PCNX1: variants seen among roughly 807,000 people sequenced by gnomAD.
The protein encoded by PCNX1 is pecanex-like protein 1.
PCNX1 carries 78 observed loss-of-function variants against 242.2 expected under a neutral mutation model. The ratio of observed to expected loss-of-function variants is 0.32; its 90% CI spans 0.27 to 0.39. PCNX1 has a LOEUF of 0.39. PCNX1 is among the 10% of genes least tolerant of loss of function. The pLI is 1.00. For synonymous variants in PCNX1, 1,024 were observed against 1,032.9 expected (o/e 0.99, Z 0.17); for missense variants, 2,581 against 2,856.5 (o/e 0.90, Z 2.20).
chr14:70,991,686 A>G lies in PCNX1; in HGVS notation c.2444+2987A>G, dbSNP rs145143323. Reference sequence around the variant, plus strand: ...ATTTATCTGTGGGGAATTAGGGAGAAACACCAATTTATTCATCTTCTGTAA... The same window carrying G: ...ATTTATCTGTGGGGAATTAGGGAGAGACACCAATTTATTCATCTTCTGTAA... On this transcript the variant is annotated intron_variant, in intron 7 of 35. Transcript: ENST00000304743. Among the ~76,000 whole-genome samples the G allele has an allele frequency of 8.9e-3, 1,360 of 152,316 alleles. 9 individuals are homozygous for G. The highest frequency in any genetic ancestry group is 0.017 in the South Asian group (82 of 4,824).
intron 1 of PCNX1, among the ~76,000 whole-genome samples, chr14:70,913,332 T>G (rs1389733941): frequency 6.6e-6 from 1 of 152,202 alleles, no homozygotes; most frequent in Non-Finnish European, 1.5e-5. Context: ...ATGGTGGAGC[T>G]GCTTACTTAG....
At chr14:71,080,400 T>A (rs1046405196) in intron 28 of PCNX1, among the ~76,000 whole-genome samples, 1 of 152,226 alleles carries the variant, frequency 6.6e-6, no homozygotes, top group Non-Finnish European at 1.5e-5. Flanking sequence ...TTTTTTCTAA[T>A]TCTTAGAAGC....
chr14:71,087,625 G>A (rs2062026125), intron 28 of PCNX1, among the ~76,000 whole-genome samples: 1 of 152,116 alleles, frequency 6.6e-6, no homozygotes, highest in South Asian at 2.1e-4. Context: ...TTTCTAACAA[G>A]TTTCCAGGTG....
At chr14:70,922,738 G>A (rs1417654066) in intron 1 of PCNX1, among the ~76,000 whole-genome samples, 1 of 151,530 alleles carries the variant, frequency 6.6e-6, no homozygotes, top group Non-Finnish European at 1.5e-5. Flanking sequence ...TTCCCTAGTG[G>A]GGGACATTTA....
chr14:70,927,569 C>T (rs2056637844), intron 1 of PCNX1, among the ~76,000 whole-genome samples: 1 of 151,394 alleles, frequency 6.6e-6, no homozygotes, highest in Non-Finnish European at 1.5e-5. Context: ...TTCATTCTCT[C>T]TCTTTTATTT....
At position 71,057,505 on chromosome 14, in the gene PCNX1, A is replaced by G. The variant is rs1212184293; in HGVS notation, c.4637-4A>G. 4 of 1,590,850 alleles carry G rather than the reference A, an allele frequency of 2.5e-6. No homozygotes were observed. The African/African-American group carries it at 4.0e-5, about 16-fold the overall frequency. The stretch of plus-strand genomic sequence containing the variant: ...TTAACTTTTTTTAAAATCTCTTTTT[A>G]TAGGATCAGATGACAACAATCTGAA... On this transcript the variant is annotated splice_polypyrimidine_tract_variant and splice_region_variant and intron_variant, in intron 25 of 35. Transcript: ENST00000304743.
At chr14:71,105,545 G>A in intron 33 of PCNX1, 105 bp downstream of exon 33, 2 of 858,270 alleles carry the variant, frequency 2.3e-6, no homozygotes, top group Non-Finnish European at 3.6e-6. Context: ...TGGAAATTCA[G>A]AAATAGAATT....
At chr14:71,050,858 G>C in intron 23 of PCNX1, 98 bp downstream of exon 23, 1 of 1,112,392 alleles carries the variant, frequency 9.0e-7, no homozygotes, top group South Asian at 1.5e-5. Flanking sequence ...AGTTTACTGT[G>C]TAATGAATTA....
chr14:71,050,565 A>T, intron 22 of PCNX1, 87 bp from the exon 23 acceptor site: 5 of 1,257,314 alleles, frequency 4.0e-6, no homozygotes, highest in Non-Finnish European at 5.4e-6. Flanking sequence ...ACTTCTCCTA[A>T]TACATTTTAC....
chr14:71,104,737 G>A (rs1389657256), intron 32 of PCNX1, among the ~76,000 whole-genome samples: 2 of 152,126 alleles, frequency 1.3e-5, no homozygotes, highest in East Asian at 3.9e-4. Context: ...AGACCATCCT[G>A]GCTAACATGA....
chr14:70,908,221 C>T (rs1422350018), intron 1 of PCNX1, among the ~76,000 whole-genome samples: 1 of 152,162 alleles, frequency 6.6e-6, no homozygotes, highest in African/African-American at 2.4e-5. Flanking sequence ...GCAACCCGCG[C>T]CGGCCGCCCC....
At chr14:70,979,522 T>A (rs1566652958) in intron 6 of PCNX1, among the ~76,000 whole-genome samples, 1 of 152,068 alleles carries the variant, frequency 6.6e-6, no homozygotes, top group Non-Finnish European at 1.5e-5. Context: ...ATCAGAAAAA[T>A]CAGGTCTTTT....
At chr14:71,058,557 G>T (rs1158544939) in intron 26 of PCNX1, among the ~76,000 whole-genome samples, 2 of 152,114 alleles carry the variant, frequency 1.3e-5, no homozygotes, top group Non-Finnish European at 2.9e-5. Context: ...AAGTGCTTTG[G>T]AGTAGTTTTA....
chr14:70,951,023 A>G (rs2057756097), intron 2 of PCNX1, among the ~76,000 whole-genome samples: 1 of 152,080 alleles, frequency 6.6e-6, no homozygotes, highest in African/African-American at 2.4e-5. Flanking sequence ...TATACAATAA[A>G]TTAAGATCTT....
intron 33 of PCNX1, among the ~76,000 whole-genome samples, chr14:71,105,776 C>A (rs990790880): frequency 6.6e-6 from 1 of 151,680 alleles, no homozygotes; most frequent in African/African-American, 2.4e-5. Context: ...CTCCTGACCT[C>A]ATGATCTGCC....
intron 28 of PCNX1, among the ~76,000 whole-genome samples, chr14:71,081,221 A>G (rs1217753871): frequency 1.3e-5 from 2 of 152,178 alleles, no homozygotes; most frequent in East Asian, 1.9e-4. Flanking sequence ...GATGAAGCCA[A>G]CTTGATTATG....
intron 1 of PCNX1, among the ~76,000 whole-genome samples, chr14:70,919,801 G>C (rs2056307401): frequency 7.3e-6 from 1 of 136,924 alleles, no homozygotes; most frequent in South Asian, 2.3e-4. Flanking sequence ...CCTGGAACCT[G>C]AGCAGTTGCA....
intron 30 of PCNX1, 82 bp downstream of exon 30, chr14:71,089,424 C>T (rs534343396): frequency 6.6e-6 from 7 of 1,056,942 alleles, no homozygotes; most frequent in African/African-American, 4.8e-5. Flanking sequence ...TCCATTCTCA[C>T]GCTGCTGTAA....
chr14:70,967,619 C>T (rs994079054), intron 3 of PCNX1, among the ~76,000 whole-genome samples: 22 of 152,098 alleles, frequency 1.4e-4, no homozygotes, highest in African/African-American at 4.8e-4. Context: ...GCTAAAAATT[C>T]ATTTTTCATG....
Sources: gnomAD v4.1 joint callset for allele counts (sites outside exome capture counted in the v4.1 genomes callset) on GRCh38, gnomAD v4.1.1 for gene constraint, MANE v1.5 for transcripts, NCBI Gene and HGNC (gene_info 2026-07-23, HGNC 2026-07-21) for gene names.